Variants in ENPP1 observed in about 807,000 individuals in gnomAD.
The protein encoded by ENPP1 is ectonucleotide pyrophosphatase/phosphodiesterase family member 1.
ENPP1 carries 73 observed loss-of-function variants against 122.8 expected under a neutral mutation model. The observed-to-expected ratio is 0.59, with a 90% CI of 0.49 to 0.72. The LOEUF is 0.72. ENPP1 is among the 30% of genes least tolerant of loss of function. ENPP1 has a pLI of 0.00. For synonymous variants in ENPP1, 367 were observed against 391.6 expected, an observed-to-expected ratio of 0.94 and a Z score of 0.74; for missense variants, 978 against 1,128.1, an observed-to-expected ratio of 0.87 and a Z score of 1.91.
At chr6:131,846,718 C>T (rs1051323859) in intron 1 of ENPP1, among the ~76,000 whole-genome samples, 6 of 152,122 alleles carry the variant, frequency 3.9e-5, no homozygotes, top group Non-Finnish European at 7.3e-5. Context: ...ACAGTCTTTG[C>T]GCATCATTGG....
chr6:131,826,882 G>A, intron 1 of ENPP1: 2 of 375,448 alleles, frequency 5.3e-6, no homozygotes, highest in Non-Finnish European at 5.0e-6. Flanking sequence ...GGAAAGATAA[G>A]GTTCCTTCAG....
chr6:131,823,742 A>G (rs1781509339), intron 1 of ENPP1, among the ~76,000 whole-genome samples: 1 of 151,920 alleles, frequency 6.6e-6, no homozygotes, highest in South Asian at 2.1e-4. Context: ...TGTTGAGGCC[A>G]TAGAGCTTAG....
At chr6:131,867,898 T>C in intron 11 of ENPP1, 120 bp from the exon 12 acceptor site, 1 of 740,822 alleles carries the variant, frequency 1.3e-6, no homozygotes, top group East Asian at 2.7e-5. Context: ...TATCTATCTG[T>C]CTGTCTTTCT....
chr6:131,826,362 T>G lies in ENPP1; in HGVS notation c.240+18087T>G, dbSNP rs1041824219. The G allele has an allele frequency of 4.3e-6, 5 of 1,150,210 alleles. No homozygotes were observed. In the African/African-American group the frequency reaches 7.6e-5, roughly 17 times the overall value. The allele number at this position is 1,150,210 out of a possible 1,614,324, so 71.3% of individuals were successfully genotyped here. On this transcript the variant is annotated intron_variant, in intron 1 of 24. Coordinates refer to ENST00000647893, the MANE Select transcript of ENPP1 (RefSeq NM_006208.3). ...GATTCAAATAATGTAGTTTGCTGCA[T>G]AGGAAAAGCTGCTAGGGCAGATTCT...
In ENPP1 at chr6:131,858,741, T is replaced by G; in HGVS notation, c.789T>G (p.Ile263Met). The G allele has an allele frequency of 6.2e-7, 1 of 1,605,762 alleles. No individual in the cohort carries two copies. Among genetic ancestry groups the G allele is most frequent in the Non-Finnish European group, 8.5e-7 (1 of 1,172,532 alleles). The change falls in exon 7 of 25, where the codon ATT becomes ATG. Residue 263 changes from isoleucine to methionine, a missense_variant. By Grantham distance (10) the Ile-to-Met change is conservative (BLOSUM62 1). Around this residue, in one of 3 missense-constraint regions of ENPP1, gnomAD observed 4 missense variants for 18.0 expected, o/e 0.22. Coordinates refer to ENST00000647893, the MANE Select transcript of ENPP1 (RefSeq NM_006208.3). ...AAACTTTCCCCAATCACTACAGCAT[T>G]GTCACCGTAAGCTCTGCATTTCAAC... Reference protein sequence around the residue: ...PTKTFPNHYSIVTGLYPESHG... With the variant: ...PTKTFPNHYSMVTGLYPESHG...
At chr6:131,816,282 A>T (rs1183446451) in intron 1 of ENPP1, among the ~76,000 whole-genome samples, 1 of 152,160 alleles carries the variant, frequency 6.6e-6, no homozygotes, top group Non-Finnish European at 1.5e-5. Context: ...CAGACAACTT[A>T]GGAACAAATA....
chr6:131,876,630 A>G (rs1782233499), intron 17 of ENPP1, among the ~76,000 whole-genome samples: 1 of 152,238 alleles, frequency 6.6e-6, no homozygotes, highest in South Asian at 2.1e-4. Context: ...TGGGTAAAAC[A>G]CTTTGATTAC....
chr6:131,868,833 C>G (rs571296538), intron 12 of ENPP1, among the ~76,000 whole-genome samples: 1 of 152,324 alleles, frequency 6.6e-6, no homozygotes, highest in African/African-American at 2.4e-5. Context: ...ATCTTTGTAA[C>G]ACGCTTGTGT....
At chr6:131,822,118 C>T (rs1284399070) in intron 1 of ENPP1, among the ~76,000 whole-genome samples, 1 of 152,168 alleles carries the variant, frequency 6.6e-6, no homozygotes, top group Non-Finnish European at 1.5e-5. Flanking sequence ...AACAACTCTA[C>T]TTGGACACGA....
intron 1 of ENPP1, chr6:131,827,251 C>A (rs1164699503): frequency 4.4e-6 from 5 of 1,135,902 alleles, no homozygotes; most frequent in Non-Finnish European, 6.7e-6. Context: ...TTCTCACTGA[C>A]CTCTGATAGG....
intron 1 of ENPP1, among the ~76,000 whole-genome samples, chr6:131,821,433 C>G (rs1781483570): frequency 6.6e-6 from 1 of 152,228 alleles, no homozygotes; most frequent in Non-Finnish European, 1.5e-5. Flanking sequence ...GGTGCTACCG[C>G]TGGTTGCATT....
At chr6:131,884,880 A>G in intron 22 of ENPP1, 51 bp from the exon 23 acceptor site, 1 of 1,603,662 alleles carries the variant, frequency 6.2e-7, no homozygotes, top group Non-Finnish European at 8.5e-7. Flanking sequence ...TTCACACGTC[A>G]ACATGGTCCC....
chr6:131,852,809 A>G (rs1252291189), intron 5 of ENPP1, among the ~76,000 whole-genome samples: 1 of 148,154 alleles, frequency 6.7e-6, no homozygotes, highest in Non-Finnish European at 1.5e-5. Flanking sequence ...TTTTTTTTGT[A>G]TTTTGGTCCA....
chr6:131,859,478 C>T lies in ENPP1; in HGVS notation c.795+731C>T, dbSNP rs1490088756. 7.2e-5 allele frequency among the ~76,000 whole-genome samples: 11 copies of T among 151,816 alleles called. No homozygotes were observed. In the South Asian group the frequency reaches 1.0e-3, roughly 14 times the overall value. ...TCGGCTCACTGCAACCTCCACCTCC[C>T]GGGTTCAAGTAATTCTCCTGCCTCA... On this transcript the variant is annotated intron_variant, in intron 7 of 24. Transcript: ENST00000647893.
chr6:131,874,757 C>T (rs1408518822), intron 16 of ENPP1, among the ~76,000 whole-genome samples: 2 of 151,956 alleles, frequency 1.3e-5, no homozygotes, highest in African/African-American at 4.8e-5. Flanking sequence ...TATCGCAGCA[C>T]TATTCACAGA....
intron 1 of ENPP1, among the ~76,000 whole-genome samples, chr6:131,832,637 G>A (rs936266059): frequency 6.6e-6 from 1 of 152,182 alleles, no homozygotes; most frequent in African/African-American, 2.4e-5. Flanking sequence ...TCCACGAAAG[G>A]CTTGACTGGA....
intron 21 of ENPP1, 99 bp downstream of exon 21, chr6:131,882,573 T>G (rs1782325296): frequency 1.1e-5 from 3 of 268,158 alleles, no homozygotes; most frequent in Non-Finnish European, 2.0e-5. Context: ...ATATATTACC[T>G]ATTATATATA....
intron 1 of ENPP1, among the ~76,000 whole-genome samples, chr6:131,809,506 G>C (rs1021030588): frequency 3.9e-5 from 6 of 152,146 alleles, no homozygotes; most frequent in African/African-American, 1.4e-4. Flanking sequence ...ATAAAATTTT[G>C]CATCTTGTAA....
In ENPP1 at chr6:131,880,001, G is replaced by A. The variant is rs1455531659; in HGVS notation, c.2067G>A (p.Met689Ile). 2 of 1,614,056 alleles carry A rather than the reference G, an allele frequency of 1.2e-6. No individual in the cohort carries two copies. Among genetic ancestry groups the A allele is most frequent in the Non-Finnish European group, 1.7e-6 (2 of 1,179,950 alleles). The change falls in exon 20 of 25, where the codon ATG (methionine) becomes ATA (isoleucine). Residue 689 changes from methionine to isoleucine, a missense_variant. This residue lies in a region of ENPP1 where 644 missense variants were observed against 781.5 expected (regional missense o/e 0.82). Coordinates refer to ENST00000647893, the MANE Select transcript of ENPP1 (RefSeq NM_006208.3). ...GTGGATACAGCCAAGACATCTTAATGCCCCTTTGGACATCCTATACCGTGG... is the reference window on the plus strand; with the variant it reads ...GTGGATACAGCCAAGACATCTTAATACCCCTTTGGACATCCTATACCGTGG... ...FMSGYSQDILMPLWTSYTVDR... is the reference protein window; with the variant it reads ...FMSGYSQDILIPLWTSYTVDR...
Sources: gnomAD v4.1 joint callset for allele counts (sites outside exome capture counted in the v4.1 genomes callset) on GRCh38, gnomAD v4.1.1 for gene constraint, gnomAD v4.1.1 regional missense constraint, MANE v1.5 for transcripts, NCBI Gene and HGNC (gene_info 2026-07-23, HGNC 2026-07-21) for gene names.